RBFOX1: variants seen among roughly 807,000 people sequenced by gnomAD.
RBFOX1 encodes RNA binding fox-1 homolog 1, also known as RNA binding protein fox-1 homolog 1.
A neutral mutation model predicts 57.7 loss-of-function variants in RBFOX1; 8 were observed. That is an observed-to-expected ratio of 0.14 (90% CI 0.08 to 0.25). RBFOX1 has a LOEUF of 0.25. Among genes scored for constraint, RBFOX1 ranks in the 10% least tolerant of loss-of-function variants. RBFOX1 has a pLI of 1.00. For synonymous variants in RBFOX1, 326 were observed against 222.4 expected (o/e 1.47, Z -4.15); for missense variants, 611 against 548.5 (o/e 1.11, Z -1.14).
intron 1 of RBFOX1, among the ~76,000 whole-genome samples, chr16:5,344,532 T>C (rs2065099014): frequency 6.6e-6 from 1 of 152,246 alleles, no homozygotes; most frequent in Non-Finnish European, 1.5e-5. Flanking sequence ...TGCCCTGTGA[T>C]ACTTGCTTTC....
At chr16:6,620,135 A>G (rs1049590264) in intron 2 of RBFOX1, among the ~76,000 whole-genome samples, 1 of 152,192 alleles carries the variant, frequency 6.6e-6, no homozygotes, top group African/African-American at 2.4e-5. Flanking sequence ...TTAAACTGAA[A>G]TCATAACAAA....
At chr16:7,314,092 A>C (rs950466252) in intron 4 of RBFOX1, among the ~76,000 whole-genome samples, 2 of 152,066 alleles carry the variant, frequency 1.3e-5, no homozygotes, top group African/African-American at 4.8e-5. Context: ...ACAAACCATG[A>C]GGCTTTTGGA....
At chr16:6,880,296 G>A (rs757168248) in intron 3 of RBFOX1, among the ~76,000 whole-genome samples, 2 of 152,146 alleles carry the variant, frequency 1.3e-5, no homozygotes, top group South Asian at 2.1e-4. Flanking sequence ...AAGGTTGGCT[G>A]GGTAGACGAG....
rs535939771 is a variant in RBFOX1, at chr16:6,939,302, G to C, written c.-15-112755G>C. ...TGAGTCATTATTTTGGGCCAATTTT[G>C]CTTGAAATAACAATAAATTACCTAG... On this transcript the variant is annotated intron_variant, in intron 3 of 15. Coordinates refer to ENST00000550418, the MANE Select transcript of RBFOX1 (RefSeq NM_018723.4). Among the ~76,000 whole-genome samples, 46 of 152,066 alleles carry C rather than the reference G, an allele frequency of 3.0e-4. No homozygotes were observed. The South Asian group carries it at 9.3e-3, about 31-fold the overall frequency.
intron 3 of RBFOX1, among the ~76,000 whole-genome samples, chr16:6,862,338 T>C (rs2059167158): frequency 1.3e-5 from 2 of 152,196 alleles, no homozygotes; most frequent in Admixed American, 1.3e-4. Context: ...ATGCTGATCG[T>C]GCAGGTTCCT....
intron 4 of RBFOX1, among the ~76,000 whole-genome samples, chr16:5,935,655 C>T (rs974364707): frequency 6.6e-6 from 1 of 152,138 alleles, no homozygotes; most frequent in South Asian, 2.1e-4. Flanking sequence ...TTAGCTGACC[C>T]TAGGAAGGGC....
chr16:6,900,325 T>TC (rs1018521681), intron 3 of RBFOX1, among the ~76,000 whole-genome samples: 3 of 152,280 alleles, frequency 2.0e-5, no homozygotes, highest in African/African-American at 7.2e-5. Context: ...TGCCATCATC[T>TC]CCCCCTGGAG....
At chr16:7,363,439 C>G (rs2097369172) in intron 4 of RBFOX1, among the ~76,000 whole-genome samples, 2 of 152,126 alleles carry the variant, frequency 1.3e-5, no homozygotes, top group Middle Eastern at 3.4e-3. Context: ...GCCGTTAGAA[C>G]AGTGTCTGAG....
At chr16:6,245,812 T>C (rs2097566060) in intron 1 of RBFOX1, among the ~76,000 whole-genome samples, 1 of 152,206 alleles carries the variant, frequency 6.6e-6, no homozygotes, top group African/African-American at 2.4e-5. Flanking sequence ...CCAAAGCCAC[T>C]ACACTGTAAT....
At chr16:6,208,502 G>A (rs1413950274) in intron 1 of RBFOX1, among the ~76,000 whole-genome samples, 6 of 152,070 alleles carry the variant, frequency 3.9e-5, no homozygotes, top group African/African-American at 1.4e-4. Flanking sequence ...TGGAGGTCAA[G>A]GCTTTGTCTG....
At chr16:7,359,955 G>T (rs961581439) in intron 4 of RBFOX1, among the ~76,000 whole-genome samples, 1 of 151,282 alleles carries the variant, frequency 6.6e-6, no homozygotes, top group South Asian at 2.1e-4. Flanking sequence ...CTGCACTCCA[G>T]CCTGGGTGAC....
At chr16:7,014,303 C>G (rs950220632) in intron 3 of RBFOX1, among the ~76,000 whole-genome samples, 4 of 151,802 alleles carry the variant, frequency 2.6e-5, no homozygotes, top group African/African-American at 9.7e-5. Context: ...ATGTTAGCCT[C>G]CTGGGTTCAA....
chr16:5,799,463 A>G (rs2054988823), intron 3 of RBFOX1, among the ~76,000 whole-genome samples: 1 of 152,210 alleles, frequency 6.6e-6, no homozygotes, highest in African/African-American at 2.4e-5. Context: ...TTGAGTTATA[A>G]TTTTTCAACT....
intron 5 of RBFOX1, among the ~76,000 whole-genome samples, chr16:7,571,312 AG>A: frequency 6.6e-6 from 1 of 152,250 alleles, no homozygotes; most frequent in East Asian, 1.9e-4. Flanking sequence ...AGGGTCAGAC[AG>A]AGGAAACCCC....
chr16:6,079,532 C>T (rs542999604), intron 1 of RBFOX1, among the ~76,000 whole-genome samples: 13 of 150,712 alleles, frequency 8.6e-5, no homozygotes, highest in Non-Finnish European at 1.2e-4. Flanking sequence ...CTGTGTTGTC[C>T]AGGCTGGTCT....
At chr16:6,399,001 C>G (rs1164959222) in intron 2 of RBFOX1, among the ~76,000 whole-genome samples, 1 of 152,236 alleles carries the variant, frequency 6.6e-6, no homozygotes, top group African/African-American at 2.4e-5. Flanking sequence ...TCCACACATC[C>G]TCTGAAATCT....
intron 1 of RBFOX1, among the ~76,000 whole-genome samples, chr16:5,385,648 C>T (rs967512419): frequency 3.9e-5 from 6 of 152,174 alleles, no homozygotes; most frequent in African/African-American, 1.4e-4. Flanking sequence ...GAAGGTTCTT[C>T]ATCACTCCAT....
In RBFOX1 at chr16:6,667,479, T is replaced by C. The variant is rs148583283; in HGVS notation, c.-16+12829T>C. ...AACCTCTCAGATGCTCAAGCTCTTA[T>C]ATAAAAGGGAGAGGAGGAGAGAATA... On this transcript the variant is annotated intron_variant, in intron 3 of 15. Transcript: ENST00000550418. Among the ~76,000 whole-genome samples, 308 of 152,204 alleles carry C rather than the reference T, an allele frequency of 2.0e-3. 1 individual carries two copies. The highest frequency in any genetic ancestry group is 3.4e-3 in the Middle Eastern group (1 of 294).
chr16:6,134,457 G>T (rs925892165), intron 1 of RBFOX1, among the ~76,000 whole-genome samples: 1 of 152,180 alleles, frequency 6.6e-6, no homozygotes, highest in Non-Finnish European at 1.5e-5. Context: ...TAGGGGTATT[G>T]TACTAGTTCC....
Sources: allele counts gnomAD v4.1 joint callset (sites outside exome capture counted in the v4.1 genomes callset), GRCh38; gene constraint gnomAD v4.1.1; transcripts MANE v1.5; gene names NCBI Gene and HGNC (gene_info 2026-07-23, HGNC 2026-07-21).